The following ZNF521 variants were observed in gnomAD, a reference collection of about 807,000 sequenced individuals.
The protein encoded by ZNF521 is LYST-interacting protein 3.
In ZNF521, 14 loss-of-function variants were observed where a neutral mutation model predicts 105.5. That is an observed-to-expected ratio of 0.13 (90% CI 0.09 to 0.21). The LOEUF (loss-of-function observed/expected upper bound fraction) is 0.21. Among genes scored for constraint, ZNF521 ranks in the 10% least tolerant of loss-of-function variants. ZNF521 has a pLI of 1.00. For missense variants in ZNF521, 1,233 were observed against 1,629.7 expected (o/e 0.76, Z 4.19); for synonymous variants, 635 against 606.0 (o/e 1.05, Z -0.70).
intron 5 of ZNF521, among the ~76,000 whole-genome samples, chr18:25,158,150 T>C (rs867910188): frequency 2.2e-4 from 33 of 152,208 alleles, no homozygotes; most frequent in African/African-American, 8.0e-4. Context: ...AAATACTTGA[T>C]ATCTTTGAAG....
At chr18:25,168,475 G>A (rs1016802682) in intron 5 of ZNF521, among the ~76,000 whole-genome samples, 2 of 152,108 alleles carry the variant, frequency 1.3e-5, no homozygotes, top group African/African-American at 4.8e-5. Context: ...AACTGAAAAG[G>A]TGTAGTGTGC....
At chr18:25,242,303 C>T (rs1907395051) in intron 3 of ZNF521, among the ~76,000 whole-genome samples, 1 of 152,256 alleles carries the variant, frequency 6.6e-6, no homozygotes, top group Middle Eastern at 3.4e-3. Context: ...TTCTGAGGTT[C>T]TCAAACTTTC....
rs192681078 is a variant in ZNF521, at chr18:25,270,612, C to T, written c.221-42915G>A. ...CCAGCTTCATCCCTGGGATGCAAGG[C>T]TGGTTCAATATACGCAAATCAATAA... On this transcript the variant is annotated intron_variant, in intron 3 of 7. Transcript: ENST00000361524. Among the ~76,000 whole-genome samples the T allele has an allele frequency of 2.8e-3, 428 of 152,270 alleles. 2 individuals carry two copies. Among genetic ancestry groups the T allele is most frequent in the African/African-American group, 9.8e-3 (406 of 41,558 alleles).
At chr18:25,172,230 G>C (rs184635260) in intron 5 of ZNF521, among the ~76,000 whole-genome samples, 1 of 152,142 alleles carries the variant, frequency 6.6e-6, no homozygotes, top group Non-Finnish European at 1.5e-5. Flanking sequence ...CATTTCTCAC[G>C]CCTCCTAGGA....
chr18:25,206,091 C>G (rs925313631), intron 4 of ZNF521, among the ~76,000 whole-genome samples: 2 of 152,100 alleles, frequency 1.3e-5, no homozygotes, highest in Non-Finnish European at 2.9e-5. Flanking sequence ...GCAACCTCCA[C>G]CTCCTGGGCT....
chr18:25,196,666 C>T lies in ZNF521; in HGVS notation c.3574-1422G>A, dbSNP rs557650176. On this transcript the variant is annotated intron_variant, in intron 4 of 7. Coordinates refer to ENST00000361524, the MANE Select transcript of ZNF521 (RefSeq NM_015461.3). ...ATCTAAATCTAACACGGACTTCAAA[C>T]ACCCTGACAATCACCAAGGAAGATT... Among the ~76,000 whole-genome samples, 93 of 151,782 alleles carry T rather than the reference C, an allele frequency of 6.1e-4. 1 individual carries two copies. Among genetic ancestry groups the T allele is most frequent in the African/African-American group, 2.0e-3 (84 of 41,490 alleles).
intron 4 of ZNF521, among the ~76,000 whole-genome samples, chr18:25,221,021 G>A (rs1030948572): frequency 2.0e-5 from 3 of 152,162 alleles, no homozygotes; most frequent in Admixed American, 6.5e-5. Flanking sequence ...ATCATTTATT[G>A]TAGGTTATGT....
intron 5 of ZNF521, among the ~76,000 whole-genome samples, chr18:25,111,059 G>C (rs2034180081): frequency 6.6e-6 from 1 of 151,896 alleles, no homozygotes; most frequent in Admixed American, 6.6e-5. Context: ...CACCACACCT[G>C]GCCTATTTTC....
chr18:25,321,417 T>G (rs1912928490), intron 3 of ZNF521, among the ~76,000 whole-genome samples: 1 of 152,186 alleles, frequency 6.6e-6, no homozygotes, highest in South Asian at 2.1e-4. Flanking sequence ...CCTTAATGAG[T>G]ACCTACTATA....
At chr18:25,218,942 C>A (rs989877898) in intron 4 of ZNF521, among the ~76,000 whole-genome samples, 1 of 152,118 alleles carries the variant, frequency 6.6e-6, no homozygotes, top group African/African-American at 2.4e-5. Context: ...TCTGCCACCC[C>A]CAAGACGGCA....
chr18:25,204,241 T>A (rs377574612), intron 4 of ZNF521, among the ~76,000 whole-genome samples: 1 of 152,166 alleles, frequency 6.6e-6, no homozygotes, highest in Non-Finnish European at 1.5e-5. Context: ...CTAAACTCCA[T>A]GAAGATATAA....
chr18:25,250,482 T>A (rs1908038935), intron 3 of ZNF521, among the ~76,000 whole-genome samples: 1 of 152,238 alleles, frequency 6.6e-6, no homozygotes, highest in Admixed American at 6.5e-5. Context: ...GGTCAGAATT[T>A]GTTCCTTTTA....
intron 5 of ZNF521, among the ~76,000 whole-genome samples, chr18:25,179,554 T>G (rs565197457): frequency 5.7e-4 from 87 of 152,252 alleles, no homozygotes; most frequent in African/African-American, 2.0e-3. Flanking sequence ...TCCTGGAATT[T>G]TGAGTGTACA....
At chr18:25,185,956 C>T (rs1289060760) in intron 5 of ZNF521, among the ~76,000 whole-genome samples, 1 of 152,136 alleles carries the variant, frequency 6.6e-6, no homozygotes, top group Non-Finnish European at 1.5e-5. Flanking sequence ...ACAATATAAA[C>T]AGGCTCTCCG....
At chr18:25,189,129 A>G (rs944726125) in intron 5 of ZNF521, among the ~76,000 whole-genome samples, 1 of 152,200 alleles carries the variant, frequency 6.6e-6, no homozygotes, top group African/African-American at 2.4e-5. Flanking sequence ...AAGAATCACG[A>G]TGAGCTCTTA....
At chr18:25,077,460 C>A (rs2033389219) in intron 7 of ZNF521, among the ~76,000 whole-genome samples, 1 of 152,158 alleles carries the variant, frequency 6.6e-6, no homozygotes, top group Non-Finnish European at 1.5e-5. Flanking sequence ...GTCCTCTCTA[C>A]CTTTTTATGG....
chr18:25,146,150 C>T (rs1223932658), intron 5 of ZNF521, among the ~76,000 whole-genome samples: 1 of 152,174 alleles, frequency 6.6e-6, no homozygotes, highest in Non-Finnish European at 1.5e-5. Flanking sequence ...TGTCACACAG[C>T]TAGCAAGTGC....
chr18:25,156,086 TGAG>T (rs1311492456), intron 5 of ZNF521, among the ~76,000 whole-genome samples: 2 of 152,152 alleles, frequency 1.3e-5, no homozygotes, highest in African/African-American at 4.8e-5. Context: ...TTTGCTAAAA[TGAG>T]GAGATTATAG....
chr18:25,216,665 C>G (rs1218886291), intron 4 of ZNF521, among the ~76,000 whole-genome samples: 1 of 152,140 alleles, frequency 6.6e-6, no homozygotes, highest in African/African-American at 2.4e-5. Flanking sequence ...CTCATGCAAT[C>G]CTCCCACTTC....
Sources: allele counts gnomAD v4.1 joint callset (sites outside exome capture counted in the v4.1 genomes callset), GRCh38; gene constraint gnomAD v4.1.1; transcripts MANE v1.5; gene names NCBI Gene and HGNC (gene_info 2026-07-23, HGNC 2026-07-21).